The following ELMO1 variants were observed in gnomAD, a reference collection of about 807,000 sequenced individuals.
ELMO1 encodes the protein engulfment and cell motility 1, also known as engulfment and cell motility protein 1.
ELMO1 carries 26 observed loss-of-function variants against 98.9 expected under a neutral mutation model. The ratio of observed to expected loss-of-function variants is 0.26; its 90% CI spans 0.19 to 0.36. ELMO1 has a LOEUF of 0.36. ELMO1 is among the 10% of genes least tolerant of loss of function. The probability of loss-of-function intolerance (pLI) is 1.00; values close to 1 mark genes in which losing one functional copy is unlikely to be tolerated. For missense variants in ELMO1, 627 were observed against 935.2 expected, an observed-to-expected ratio of 0.67 and a Z score of 4.30; for synonymous variants, 346 against 346.0, an observed-to-expected ratio of 1.00 and a Z score of 0.00.
intron 1 of ELMO1, among the ~76,000 whole-genome samples, chr7:37,428,741 C>G (rs1254539233): frequency 6.6e-6 from 1 of 152,216 alleles, no homozygotes; most frequent in Non-Finnish European, 1.5e-5. Context: ...AACATTCTGT[C>G]CTAATCCAAG....
At chr7:37,091,127 G>A (rs187723880) in intron 15 of ELMO1, among the ~76,000 whole-genome samples, 7 of 152,184 alleles carry the variant, frequency 4.6e-5, no homozygotes, top group South Asian at 2.1e-4. Flanking sequence ...AGTTTTTTGA[G>A]GCAGAGTTTC....
At chr7:36,954,290 C>A (rs1788258136) in intron 16 of ELMO1, among the ~76,000 whole-genome samples, 1 of 152,152 alleles carries the variant, frequency 6.6e-6, no homozygotes, top group East Asian at 1.9e-4. Context: ...GTCACAGAAC[C>A]AGAAGTATCA....
intron 16 of ELMO1, among the ~76,000 whole-genome samples, chr7:36,972,419 G>C (rs73117514): frequency 0.023 from 3,517 of 152,340 alleles, 65 homozygotes; most frequent in Middle Eastern, 0.071. Context: ...CTGCCATGAC[G>C]AAGTATGGCA....
At chr7:37,304,678 T>G (rs1798516080) in intron 4 of ELMO1, among the ~76,000 whole-genome samples, 1 of 152,154 alleles carries the variant, frequency 6.6e-6, no homozygotes, top group South Asian at 2.1e-4. Flanking sequence ...ATTGCGCCAC[T>G]GCGCTTCAGC....
intron 4 of ELMO1, among the ~76,000 whole-genome samples, chr7:37,291,976 CA>C: frequency 1.5e-5 from 1 of 65,366 alleles, no homozygotes; most frequent in East Asian, 7.0e-4. Context: ...CCTCTCTTTC[CA>C]CGGTCTCCCT....
chr7:37,128,447 G>A (rs748824116), intron 14 of ELMO1, among the ~76,000 whole-genome samples: 1 of 152,092 alleles, frequency 6.6e-6, no homozygotes, highest in African/African-American at 2.4e-5. Context: ...AGTAAGACTC[G>A]GAAGTCTGAA....
At chr7:37,221,515 T>C (rs1057135861) in intron 10 of ELMO1, among the ~76,000 whole-genome samples, 3 of 152,124 alleles carry the variant, frequency 2.0e-5, no homozygotes, top group African/African-American at 4.8e-5. Flanking sequence ...GACATGTTGA[T>C]TGAAAAAAAC....
At chr7:37,320,608 G>A (rs1026463611) in intron 2 of ELMO1, among the ~76,000 whole-genome samples, 4 of 152,004 alleles carry the variant, frequency 2.6e-5, no homozygotes, top group African/African-American at 9.7e-5. Flanking sequence ...TGTGTACTTA[G>A]CACATTAAAT....
chr7:36,901,876 A>T (rs903568641), intron 16 of ELMO1, among the ~76,000 whole-genome samples: 1 of 152,226 alleles, frequency 6.6e-6, no homozygotes, highest in South Asian at 2.1e-4. Context: ...TTTATAATAC[A>T]TGCAGGGTGG....
At chr7:37,274,499 C>T (rs149818927) in intron 4 of ELMO1, among the ~76,000 whole-genome samples, 2 of 152,220 alleles carry the variant, frequency 1.3e-5, no homozygotes, top group East Asian at 1.9e-4. Flanking sequence ...CCCAAATTTT[C>T]CAAACAGGAA....
At chr7:37,256,453 C>A (rs1462485156) in intron 6 of ELMO1, among the ~76,000 whole-genome samples, 1 of 150,076 alleles carries the variant, frequency 6.7e-6, no homozygotes, top group Non-Finnish European at 1.5e-5. Flanking sequence ...AATGTTTTCA[C>A]TAGTACCAAC....
intron 16 of ELMO1, among the ~76,000 whole-genome samples, chr7:36,946,495 A>G (rs1787497950): frequency 6.6e-6 from 1 of 152,166 alleles, no homozygotes; most frequent in East Asian, 1.9e-4. Context: ...TTGTAATTTA[A>G]TCTTCAAAGC....
chr7:37,279,179 GCAA>G (rs2130893274), intron 4 of ELMO1, among the ~76,000 whole-genome samples: 1 of 152,004 alleles, frequency 6.6e-6, no homozygotes, highest in African/African-American at 2.4e-5. Flanking sequence ...TCCAGCCTGG[GCAA>G]CAACAGCGAA....
intron 1 of ELMO1, among the ~76,000 whole-genome samples, chr7:37,406,315 T>C (rs1025501912): frequency 4.0e-5 from 6 of 151,646 alleles, no homozygotes; most frequent in South Asian, 2.1e-4. Flanking sequence ...ATGGCAAATA[T>C]GAAAGATTTC....
intron 1 of ELMO1, among the ~76,000 whole-genome samples, chr7:37,379,803 T>C (rs899905733): frequency 1.3e-5 from 2 of 152,170 alleles, no homozygotes; most frequent in East Asian, 1.9e-4. Context: ...GCAACTCTGA[T>C]TGGACAGAGG....
chr7:37,436,399 A>G (rs1160882493), intron 1 of ELMO1, among the ~76,000 whole-genome samples: 1 of 152,238 alleles, frequency 6.6e-6, no homozygotes, highest in African/African-American at 2.4e-5. Flanking sequence ...TCCAATGAAG[A>G]TATGCATACA....
At chr7:37,317,272 C>A (rs892331234) in intron 2 of ELMO1, among the ~76,000 whole-genome samples, 2 of 152,186 alleles carry the variant, frequency 1.3e-5, no homozygotes, top group African/African-American at 4.8e-5. Context: ...GGTGTCCCTC[C>A]AGTGAACTCT....
intron 7 of ELMO1, among the ~76,000 whole-genome samples, chr7:37,240,041 TTTC>T (rs1794677627): frequency 1.6e-5 from 2 of 127,728 alleles, no homozygotes; most frequent in Non-Finnish European, 3.3e-5. Context: ...TCTTTTTTTT[TTTC>T]TTTTTTTTTT....
chr7:37,339,866 TG>T (rs35733769), intron 2 of ELMO1, among the ~76,000 whole-genome samples: 2 of 99,212 alleles, frequency 2.0e-5, no homozygotes, highest in Admixed American at 1.9e-4. Flanking sequence ...CCTCTTGATA[TG>T]ATGAGCCAAA....
Sources: gnomAD v4.1 joint callset for allele counts (sites outside exome capture counted in the v4.1 genomes callset) on GRCh38, gnomAD v4.1.1 for gene constraint, MANE v1.5 for transcripts, NCBI Gene and HGNC (gene_info 2026-07-23, HGNC 2026-07-21) for gene names.